The following CALCR variants were observed in gnomAD, a reference collection of about 807,000 sequenced individuals.
The protein encoded by CALCR is calcitonin receptor.
A neutral mutation model predicts 59.5 loss-of-function variants in CALCR; 47 were observed. The observed-to-expected ratio is 0.79, with a 90% CI of 0.63 to 1.01. The LOEUF (loss-of-function observed/expected upper bound fraction) is 1.01. Among genes scored for constraint, CALCR ranks in the 50% least tolerant of loss-of-function variants. The pLI is 0.00. For synonymous variants in CALCR, 213 were observed against 211.3 expected (o/e 1.01, Z -0.07); for missense variants, 566 against 597.1 (o/e 0.95, Z 0.54).
intron 2 of CALCR, among the ~76,000 whole-genome samples, chr7:93,538,097 T>G (rs942916177): frequency 6.6e-6 from 1 of 151,970 alleles, no homozygotes; most frequent in African/African-American, 2.4e-5. Context: ...ATAGAACATA[T>G]AACAAGAGAC....
intron 5 of CALCR, among the ~76,000 whole-genome samples, chr7:93,473,073 C>A (rs1322271817): frequency 5.9e-5 from 9 of 151,764 alleles, no homozygotes; most frequent in African/African-American, 2.2e-4. Context: ...CAAGAGATTT[C>A]ATTTGAATCA....
At chr7:93,539,238 A>G (rs1297361635) in intron 2 of CALCR, among the ~76,000 whole-genome samples, 1 of 152,062 alleles carries the variant, frequency 6.6e-6, no homozygotes, top group Non-Finnish European at 1.5e-5. Flanking sequence ...CTTCTTGTGA[A>G]TTTTGTAGCA....
At chr7:93,537,459 G>A (rs779747948) in intron 2 of CALCR, among the ~76,000 whole-genome samples, 5 of 151,648 alleles carry the variant, frequency 3.3e-5, no homozygotes, top group African/African-American at 4.8e-5. Context: ...CTTTCACTAC[G>A]TTGCATTAGA....
At chr7:93,462,022 T>C in intron 7 of CALCR, 1 of 1,157,334 alleles carries the variant, frequency 8.6e-7, no homozygotes, top group Non-Finnish European at 1.2e-6. Context: ...AAGGAAATTC[T>C]GGGGAAAGAT....
In CALCR at chr7:93,460,734, T is replaced by G. The variant is rs889508194; in HGVS notation, c.648+87A>C. 4 of 1,015,250 alleles carry G rather than the reference T, an allele frequency of 3.9e-6. No homozygotes were observed. The Admixed American group carries it at 1.1e-4, about 28-fold the overall frequency. The allele number at this position is 1,015,250 out of a possible 1,614,324, so 62.9% of individuals were successfully genotyped here. On this transcript the variant is annotated intron_variant, in intron 8 of 13. Transcript: ENST00000426151. ...TATGATTACACATGTAAACAGCTGCTTAAGTCCAACATGAACACCATGTTC... is the reference window on the plus strand; with the variant it reads ...TATGATTACACATGTAAACAGCTGCGTAAGTCCAACATGAACACCATGTTC...
chr7:93,571,984 T>C (rs917069375), intron 2 of CALCR, among the ~76,000 whole-genome samples: 6 of 152,164 alleles, frequency 3.9e-5, no homozygotes, highest in Non-Finnish European at 7.4e-5. Context: ...CAAAAGGAGA[T>C]GAAATTGTAT....
At chr7:93,490,803 A>G (rs1460904974) in intron 2 of CALCR, among the ~76,000 whole-genome samples, 1 of 152,056 alleles carries the variant, frequency 6.6e-6, no homozygotes. Flanking sequence ...GATAGGAAGA[A>G]TCGATATCGT....
chr7:93,429,021 C>T (rs1799592695), intron 13 of CALCR, among the ~76,000 whole-genome samples: 1 of 152,180 alleles, frequency 6.6e-6, no homozygotes, highest in African/African-American at 2.4e-5. Flanking sequence ...ATAAAGTACA[C>T]AGCCCAGCAT....
intron 2 of CALCR, among the ~76,000 whole-genome samples, chr7:93,554,046 T>A (rs532862627): frequency 6.6e-6 from 1 of 152,338 alleles, no homozygotes; most frequent in Admixed American, 6.5e-5. Context: ...AAATCTGGAT[T>A]TAAACTTTAA....
chr7:93,543,583 T>C (rs527933472), intron 2 of CALCR, among the ~76,000 whole-genome samples: 16 of 152,278 alleles, frequency 1.1e-4, no homozygotes, highest in South Asian at 6.2e-4. Flanking sequence ...AGCTCCATTA[T>C]AATCTTATGG....
At chr7:93,428,374 C>T (rs1010665581) in intron 13 of CALCR, among the ~76,000 whole-genome samples, 2 of 152,198 alleles carry the variant, frequency 1.3e-5, no homozygotes, top group Non-Finnish European at 2.9e-5. Flanking sequence ...CAGAGCCTGG[C>T]TTTATTTGGG....
chr7:93,512,227 C>T (rs912964462), intron 2 of CALCR, among the ~76,000 whole-genome samples: 1 of 152,140 alleles, frequency 6.6e-6, no homozygotes. Flanking sequence ...CGTTTGGAGA[C>T]CTGGAGTGAC....
chr7:93,449,771 T>C (rs1055392148), intron 8 of CALCR, among the ~76,000 whole-genome samples: 3 of 152,060 alleles, frequency 2.0e-5, no homozygotes, highest in African/African-American at 7.2e-5. Context: ...TCAGTACATA[T>C]CTGCAGCGGT....
chr7:93,565,910 G>A (rs1315780169), intron 2 of CALCR, among the ~76,000 whole-genome samples: 3 of 152,196 alleles, frequency 2.0e-5, no homozygotes, highest in African/African-American at 7.2e-5. Context: ...TATGCTGGAA[G>A]TTGGGTTAAT....
At position 93,472,359 on chromosome 7, in the gene CALCR, G is replaced by A. The variant is rs778796251; in HGVS notation, c.429+16C>T. ...TGACATTCTCACTCAATACTGAAAC[G>A]TGAAAAAGAACCTACCTTCAGTTTC... On this transcript the variant is annotated intron_variant, in intron 6 of 13. Transcript: ENST00000426151. The A allele has an allele frequency of 8.3e-5, 117 of 1,412,462 alleles. No homozygotes were observed. The Middle Eastern group carries it at 3.2e-3, about 38-fold the overall frequency. The allele number at this position is 1,412,462 out of a possible 1,614,324, so 87.5% of individuals were successfully genotyped here. A position where few individuals can be genotyped will look rare whatever the true frequency, so the allele number is the denominator to read the frequency against.
chr7:93,571,820 C>T (rs546973217), intron 2 of CALCR, among the ~76,000 whole-genome samples: 5 of 152,252 alleles, frequency 3.3e-5, no homozygotes, highest in Middle Eastern at 3.4e-3. Flanking sequence ...CAAGGCTACT[C>T]TTAGCTTAAA....
intron 2 of CALCR, among the ~76,000 whole-genome samples, chr7:93,558,591 C>T (rs954729211): frequency 6.6e-6 from 1 of 151,950 alleles, no homozygotes; most frequent in African/African-American, 2.4e-5. Context: ...TAAATAAAGA[C>T]TCTTATTATA....
chr7:93,563,604 C>CT (rs1789795688), intron 2 of CALCR, among the ~76,000 whole-genome samples: 1 of 152,184 alleles, frequency 6.6e-6, no homozygotes, highest in Non-Finnish European at 1.5e-5. Flanking sequence ...CCCATGACAG[C>CT]TGTAGAGGTT....
chr7:93,479,298 A>C, intron 4 of CALCR, 56 bp downstream of exon 4: 1 of 1,490,270 alleles, frequency 6.7e-7, no homozygotes, highest in Non-Finnish European at 9.0e-7. Flanking sequence ...TAACCACAAA[A>C]GAAAATGTCT....
Sources: gnomAD v4.1 joint callset for allele counts (sites outside exome capture counted in the v4.1 genomes callset) on GRCh38, gnomAD v4.1.1 for gene constraint, MANE v1.5 for transcripts, NCBI Gene and HGNC (gene_info 2026-07-23, HGNC 2026-07-21) for gene names.